DGKD: variants seen among roughly 807,000 people sequenced by gnomAD.
DGKD encodes DAG kinase delta.
Under a neutral mutation model 154.4 loss-of-function variants are expected in DGKD, and 68 were observed. The observed-to-expected ratio is 0.44, with a 90% CI of 0.36 to 0.54. The LOEUF is 0.54. Among genes scored for constraint, DGKD ranks in the 20% least tolerant of loss-of-function variants. DGKD has a pLI of 0.00. For synonymous variants in DGKD, 693 were observed against 638.0 expected, an observed-to-expected ratio of 1.09 and a Z score of -1.30; for missense variants, 1,343 against 1,593.6, an observed-to-expected ratio of 0.84 and a Z score of 2.68.
chr2:233,468,585 A>G, intron 29 of DGKD, 32 bp downstream of exon 29: 2 of 1,611,800 alleles, frequency 1.2e-6, no homozygotes, highest in East Asian at 2.2e-5. Context: ...TGGAACCTGC[A>G]CTTGGGCTTG....
chr2:233,439,202 AC>A (rs775172272), intron 9 of DGKD, among the ~76,000 whole-genome samples: 9 of 152,154 alleles, frequency 5.9e-5, no homozygotes, highest in Non-Finnish European at 1.3e-4. Context: ...TGTCCAGGAT[AC>A]CCGTAGTGGG....
At chr2:233,421,186 C>G (rs192669371) in intron 3 of DGKD, among the ~76,000 whole-genome samples, 2 of 152,262 alleles carry the variant, frequency 1.3e-5, no homozygotes, top group African/African-American at 4.8e-5. Flanking sequence ...CCACACGGAC[C>G]TGCTGGCCCT....
chr2:233,469,355 G>A lies in DGKD; in HGVS notation c.3556-16G>A, dbSNP rs2124977583. ...CTGTCTTCTCGGCATCCATGGCGGT[G>A]TCTTCTCTGTTGCAGGACCTGGGCG... On this transcript the variant is annotated splice_polypyrimidine_tract_variant and intron_variant, in intron 29 of 29. Coordinates refer to ENST00000264057, the MANE Select transcript of DGKD (RefSeq NM_152879.3). The A allele has an allele frequency of 6.2e-7, 1 of 1,604,172 alleles. No homozygotes were observed. Among genetic ancestry groups the A allele is most frequent in the East Asian group, 2.2e-5 (1 of 44,522 alleles).
chr2:233,454,903 C>A, intron 19 of DGKD, 30 bp downstream of exon 19: 1 of 1,396,680 alleles, frequency 7.2e-7, no homozygotes, highest in Non-Finnish European at 1.0e-6. Context: ...GCACGTCTGT[C>A]TTTTGCGTCT....
Position 233,458,410 on chromosome 2 carries a change from G to T in DGKD, c.2694+13G>T. ...TCGGATCGCCCAGGTAGTGGCCATG[G>T]TCCTGGGGTGTCTGGCCGAGTCCCC... On this transcript the variant is annotated intron_variant, in intron 22 of 29. Transcript: ENST00000264057. This position sits in a 1 kb window ranked among gnomAD's most constrained non-coding sequence, Gnocchi z 6.6. The T allele has an allele frequency of 1.3e-6, 2 of 1,584,870 alleles. No homozygotes were observed. The highest frequency in any genetic ancestry group is 8.6e-7 in the Non-Finnish European group (1 of 1,161,538).
chr2:233,390,613 A>T (rs1444968983), intron 3 of DGKD, 130 bp downstream of exon 3: 2 of 681,860 alleles, frequency 2.9e-6, no homozygotes, highest in Admixed American at 6.1e-5. Flanking sequence ...TGCTGGTAAA[A>T]TTTGAATTTA....
At chr2:233,372,941 C>T (rs1702393566) in intron 1 of DGKD, among the ~76,000 whole-genome samples, 1 of 152,172 alleles carries the variant, frequency 6.6e-6, no homozygotes, top group Non-Finnish European at 1.5e-5. Context: ...AGTTGCAAGC[C>T]ACCCCAGTGT....
In DGKD at chr2:233,438,527, G is replaced by T; in HGVS notation, c.1085+148G>T. 1 of 1,008,860 alleles carries T rather than the reference G, an allele frequency of 9.9e-7. No individual in the cohort carries two copies. The highest frequency in any genetic ancestry group is 1.7e-5 in the South Asian group (1 of 57,152). The allele number at this position is 1,008,860 out of a possible 1,614,324, so 62.5% of individuals were successfully genotyped here. ...TTCCTTCCCAAATTGCACTTGCAGA[G>T]GTGCCCACTCTTAATAGAGGTGCAT... On this transcript the variant is annotated intron_variant, in intron 9 of 29. Coordinates refer to ENST00000264057, the MANE Select transcript of DGKD (RefSeq NM_152879.3). The surrounding 1 kb of genome is among the most constrained non-coding windows in gnomAD (Gnocchi z 4.1).
chr2:233,463,951 C>A, intron 26 of DGKD: 1 of 595,572 alleles, frequency 1.7e-6, no homozygotes, highest in Non-Finnish European at 2.9e-6. Context: ...TCATCGTTGA[C>A]TGATGGACAG....
At chr2:233,394,796 C>T (rs1383850145) in intron 3 of DGKD, among the ~76,000 whole-genome samples, 1 of 134,976 alleles carries the variant, frequency 7.4e-6, no homozygotes, top group African/African-American at 2.7e-5. Context: ...CAGCCTCAAA[C>T]TCCTGGTCTC....
intron 1 of DGKD, among the ~76,000 whole-genome samples, chr2:233,367,529 G>T (rs952749320): frequency 6.6e-6 from 1 of 151,672 alleles, no homozygotes; most frequent in Non-Finnish European, 1.5e-5. Flanking sequence ...GCACCCAGCT[G>T]TATTAATGAC....
chr2:233,450,800 C>A, intron 16 of DGKD, 122 bp from the exon 17 acceptor site: 1 of 1,271,954 alleles, frequency 7.9e-7, no homozygotes, highest in Non-Finnish European at 1.1e-6. Flanking sequence ...CTTCACGCAA[C>A]TGCCTGTGGT....
chr2:233,468,653 G>A (rs748495636), intron 29 of DGKD, 100 bp downstream of exon 29: 6 of 1,550,662 alleles, frequency 3.9e-6, no homozygotes, highest in South Asian at 1.2e-5. Context: ...CCAGCATCAC[G>A]ATTCTTCTCA....
At chr2:233,380,257 G>A (rs1052039113) in intron 1 of DGKD, among the ~76,000 whole-genome samples, 5 of 152,140 alleles carry the variant, frequency 3.3e-5, no homozygotes, top group Non-Finnish European at 7.4e-5. Context: ...GTGAGATGAG[G>A]TACATTTCAG....
At chr2:233,376,315 A>C (rs180689459) in intron 1 of DGKD, among the ~76,000 whole-genome samples, 1 of 152,370 alleles carries the variant, frequency 6.6e-6, no homozygotes, top group East Asian at 1.9e-4. Context: ...CTGTCTAAGC[A>C]TGGAGAGAGT....
intron 3 of DGKD, among the ~76,000 whole-genome samples, chr2:233,393,301 T>A (rs1362795703): frequency 6.6e-6 from 1 of 151,682 alleles, no homozygotes; most frequent in East Asian, 1.9e-4. Context: ...GTGCTGGGAT[T>A]ACAGGTGTGA....
At chr2:233,439,544 G>C (rs976929454) in intron 9 of DGKD, among the ~76,000 whole-genome samples, 4 of 152,156 alleles carry the variant, frequency 2.6e-5, no homozygotes, top group South Asian at 2.1e-4. Flanking sequence ...CTAGTAGGCT[G>C]ATCAAGATAT....
chr2:233,364,803 A>G (rs1701945972), intron 1 of DGKD, among the ~76,000 whole-genome samples: 2 of 152,246 alleles, frequency 1.3e-5, no homozygotes, highest in South Asian at 4.1e-4. Context: ...GTGGACTTAA[A>G]TGCTCCAGTT....
chr2:233,444,375 C>A (rs2062996100), intron 10 of DGKD, among the ~76,000 whole-genome samples: 1 of 152,020 alleles, frequency 6.6e-6, no homozygotes, highest in African/African-American at 2.4e-5. Flanking sequence ...GCATTTCTGC[C>A]TGTGCACCCC....
Sources: gnomAD v4.1 joint callset for allele counts (sites outside exome capture counted in the v4.1 genomes callset) on GRCh38, gnomAD v4.1.1 for gene constraint, Gnocchi (gnomAD v3.1) non-coding constraint, MANE v1.5 for transcripts, NCBI Gene and HGNC (gene_info 2026-07-23, HGNC 2026-07-21) for gene names.